Variants in FLOT2 observed in about 807,000 individuals in gnomAD.
The protein encoded by FLOT2 is flotillin 2.
FLOT2 carries 35 observed loss-of-function variants against 54.9 expected under a neutral mutation model. That is an observed-to-expected ratio of 0.64 (90% CI 0.49 to 0.84). The LOEUF (loss-of-function observed/expected upper bound fraction) is 0.84, where lower values mean the gene tolerates loss of function less well. Ranked by LOEUF, FLOT2 falls within the 40% of genes least tolerant of loss-of-function variation. The pLI, the probability that FLOT2 is intolerant of heterozygous loss-of-function variation, is 0.00. For missense variants in FLOT2, 464 were observed against 572.1 expected (o/e 0.81, Z 1.93); for synonymous variants, 207 against 228.9 (o/e 0.90, Z 0.86).
Position 28,883,269 on chromosome 17 carries a change from G to A in FLOT2, c.223-38C>T. 6.2e-7 allele frequency: 1 copy of A among 1,612,772 alleles called. No homozygotes were observed. Among genetic ancestry groups the A allele is most frequent in the Non-Finnish European group, 8.5e-7 (1 of 1,179,572 alleles). On this transcript the variant is annotated intron_variant, in intron 3 of 10. Transcript: ENST00000394908. This position sits in a 1 kb window ranked among gnomAD's most constrained non-coding sequence, Gnocchi z 5.0. Reference sequence around the variant, plus strand: ...ACAAAGGCGCTTCAGCTAGGCTGGAGCGAGGCAGACAAAGGCCCCAGACCC... The same window carrying A: ...ACAAAGGCGCTTCAGCTAGGCTGGAACGAGGCAGACAAAGGCCCCAGACCC...
chr17:28,897,684 C>G lies in FLOT2; in HGVS notation c.-110G>C. 7.0e-6 allele frequency: 7 copies of G among 1,002,872 alleles called. No homozygotes were observed. The South Asian group carries it at 1.6e-4, about 23-fold the overall frequency. The allele number at this position is 1,002,872 out of a possible 1,614,324, so 62.1% of individuals were successfully genotyped here. ...TCCCGCCACCCCCAGCGGCCGGCCG[C>G]CCGCTCGCTCGCCCGCGCCCCTCTG... On this transcript the variant is annotated 5_prime_UTR_variant, in exon 1 of 11. Coordinates refer to ENST00000394908, the MANE Select transcript of FLOT2 (RefSeq NM_004475.3). This position sits in a 1 kb window ranked among gnomAD's most constrained non-coding sequence, Gnocchi z 4.4.
At chr17:28,889,133 C>T (rs149647155) in intron 1 of FLOT2, 107 bp from the exon 2 acceptor site, 39 of 864,762 alleles carry the variant, frequency 4.5e-5, no homozygotes, top group Admixed American at 2.0e-4. Context: ...TACTTGACAA[C>T]GCCTACTGTT....
intron 1 of FLOT2, among the ~76,000 whole-genome samples, chr17:28,896,619 C>T (rs533739210): frequency 5.9e-5 from 9 of 152,310 alleles, no homozygotes; most frequent in African/African-American, 1.9e-4. Flanking sequence ...GCTGTGAGGC[C>T]TGGCTCAGGG....
Position 28,883,883 on chromosome 17 carries a change from C to T in FLOT2, c.222+342G>A, listed in dbSNP as rs1304191772. Among the ~76,000 whole-genome samples, 1 of 148,350 alleles carries T rather than the reference C, an allele frequency of 6.7e-6. No homozygotes were observed. The highest frequency in any genetic ancestry group is 2.5e-5 in the African/African-American group (1 of 40,058). ...TGGGCCCCACCCCTCCCACGCAGTA[C>T]CCAGGGAACAAGGAAGGCCTGGATT... On this transcript the variant is annotated intron_variant, in intron 3 of 10. Transcript: ENST00000394908. The surrounding 1 kb of genome is among the most constrained non-coding windows in gnomAD (Gnocchi z 5.0).
Position 28,879,498 on chromosome 17 carries a change from C to A in FLOT2, c.*1063G>T, listed in dbSNP as rs11547606. 3 of 986,264 alleles carry A rather than the reference C, an allele frequency of 3.0e-6. No homozygotes were observed. Among genetic ancestry groups the A allele is most frequent in the African/African-American group, 3.5e-5 (2 of 57,166 alleles). 61.1% of individuals were successfully genotyped at this position (986,264 alleles called of 1,614,324 possible). ...CTGGGACCACTGGACATTCACAGCA[C>A]CCCTGCCAAGACGCTTGGGTCCTGG... is the stretch of plus-strand genomic sequence containing the variant. On this transcript the variant is annotated 3_prime_UTR_variant, in exon 11 of 11. Transcript: ENST00000394908.
intron 1 of FLOT2, among the ~76,000 whole-genome samples, chr17:28,893,621 T>C (rs955910928): frequency 6.6e-6 from 1 of 152,204 alleles, no homozygotes; most frequent in African/African-American, 2.4e-5. Context: ...CCCTCTCATA[T>C]TGTTTTATAC....
In FLOT2 at chr17:28,881,443, C is replaced by T. The variant is rs985386138; in HGVS notation, c.915-68G>A. 6 of 1,500,406 alleles carry T rather than the reference C, an allele frequency of 4.0e-6. No individual in the cohort carries two copies. The Admixed American group carries it at 5.1e-5, about 13-fold the overall frequency. 92.9% of individuals were successfully genotyped at this position (1,500,406 alleles called of 1,614,324 possible). ...GGTCCTCTCAAGCCTTGCCTGGGGG[C>T]CAGCAAACCTTCAAACCCTCTGCTC... On this transcript the variant is annotated intron_variant, in intron 8 of 10. Coordinates refer to ENST00000394908, the MANE Select transcript of FLOT2 (RefSeq NM_004475.3).
chr17:28,897,377 T>C lies in FLOT2; in HGVS notation c.49+149A>G, dbSNP rs868695517. ...GCAAGGAAAGCGTGAGCACGAGATC[T>C]CTCTTGGAAGGGGCCTCAGGTGCGG... On this transcript the variant is annotated intron_variant, in intron 1 of 10. Transcript: ENST00000394908. The surrounding 1 kb of genome is among the most constrained non-coding windows in gnomAD (Gnocchi z 4.4). 2 of 659,168 alleles carry C rather than the reference T, an allele frequency of 3.0e-6. No individual in the cohort carries two copies. The highest frequency in any genetic ancestry group is 3.9e-5 in the African/African-American group (2 of 51,800). 40.8% of individuals were successfully genotyped at this position (659,168 alleles called of 1,614,324 possible). A position where few individuals can be genotyped will look rare whatever the true frequency, so the allele number is the denominator to read the frequency against.
At chr17:28,891,042 A>G (rs1376344147) in intron 1 of FLOT2, among the ~76,000 whole-genome samples, 1 of 151,704 alleles carries the variant, frequency 6.6e-6, no homozygotes, top group Admixed American at 6.6e-5. Flanking sequence ...CCCCATGCCC[A>G]GCTAATTTTT....
chr17:28,886,193 A>C (rs761054051), intron 2 of FLOT2, among the ~76,000 whole-genome samples: 1 of 152,164 alleles, frequency 6.6e-6, no homozygotes, highest in Non-Finnish European at 1.5e-5. Context: ...TTTAGTGAGG[A>C]CCTGCTAGGC....
At position 28,884,190 on chromosome 17, in the gene FLOT2, C is replaced by CA. The variant is rs1180389001; in HGVS notation, c.222+34dup. ...AACCCGAGTACGGGACCAGGCAGCT[C>CA]AACGGACATGCGCAGGGCTGCTGAG... On this transcript the variant is annotated intron_variant, in intron 3 of 10. Coordinates refer to ENST00000394908, the MANE Select transcript of FLOT2 (RefSeq NM_004475.3). The surrounding 1 kb of genome is among the most constrained non-coding windows in gnomAD (Gnocchi z 5.1). 2 of 1,497,518 alleles carry CA rather than the reference C, an allele frequency of 1.3e-6. No individual in the cohort carries two copies. 92.8% of individuals were successfully genotyped at this position (1,497,518 alleles called of 1,614,324 possible).
intron 2 of FLOT2, among the ~76,000 whole-genome samples, chr17:28,887,304 G>A (rs1452702864): frequency 6.6e-6 from 1 of 152,154 alleles, no homozygotes; most frequent in Non-Finnish European, 1.5e-5. Context: ...AGAGGCTCCT[G>A]CCAGCCTAGG....
intron 2 of FLOT2, chr17:28,885,934 C>A: frequency 6.5e-7 from 1 of 1,549,982 alleles, no homozygotes; most frequent in South Asian, 1.2e-5. Context: ...ATGGTCATAA[C>A]CTCCAGAGAC....
chr17:28,897,408 G>C lies in FLOT2; in HGVS notation c.49+118C>G. Reference sequence around the variant, plus strand: ...GGAAGGGGCCTCAGGTGCGGCCCGGGGGCCAGCGCCCTGCGCCGCGCGGTG... The same window carrying C: ...GGAAGGGGCCTCAGGTGCGGCCCGGCGGCCAGCGCCCTGCGCCGCGCGGTG... On this transcript the variant is annotated intron_variant, in intron 1 of 10. Transcript: ENST00000394908. The surrounding 1 kb of genome is among the most constrained non-coding windows in gnomAD (Gnocchi z 4.4). 1 of 970,738 alleles carries C rather than the reference G, an allele frequency of 1.0e-6. No homozygotes were observed. The highest frequency in any genetic ancestry group is 1.7e-5 in the South Asian group (1 of 60,598). The allele number at this position is 970,738 out of a possible 1,614,324, so 60.1% of individuals were successfully genotyped here. A position where few individuals can be genotyped will look rare whatever the true frequency, so the allele number is the denominator to read the frequency against.
chr17:28,882,770 AG>A lies in FLOT2; in HGVS notation c.347-80del. 1.1e-6 allele frequency: 1 copy of A among 945,136 alleles called. No individual in the cohort carries two copies. The highest frequency in any genetic ancestry group is 1.6e-5 in the African/African-American group (1 of 61,672). The allele number at this position is 945,136 out of a possible 1,614,324, so 58.5% of individuals were successfully genotyped here. A position where few individuals can be genotyped will look rare whatever the true frequency, so the allele number is the denominator to read the frequency against. ...AGGGAGGAGGCATGCATGTAGAGGTAGGGGTGCATGCGGGGTGCTGCACTCT... is the reference window on the plus strand; with the variant it reads ...AGGGAGGAGGCATGCATGTAGAGGTAGGGTGCATGCGGGGTGCTGCACTCT... On this transcript the variant is annotated intron_variant, in intron 4 of 10. Transcript: ENST00000394908. The surrounding 1 kb of genome is among the most constrained non-coding windows in gnomAD (Gnocchi z 5.6).
intron 1 of FLOT2, among the ~76,000 whole-genome samples, chr17:28,891,671 T>C (rs1447572046): frequency 6.6e-6 from 1 of 152,260 alleles, no homozygotes; most frequent in Admixed American, 6.5e-5. Flanking sequence ...ACTGGGGAAC[T>C]GAATTTTTTA....
intron 2 of FLOT2, among the ~76,000 whole-genome samples, chr17:28,886,599 GAGA>G (rs2039551011): frequency 3.3e-5 from 5 of 152,222 alleles, no homozygotes; most frequent in Admixed American, 3.3e-4. Context: ...CAGGGGCAGA[GAGA>G]AGATTATTGG....
chr17:28,882,580 G>A lies in FLOT2; in HGVS notation c.458C>T (p.Thr153Ile). Residue 153 changes from threonine (T) to isoleucine (I), a missense_variant, in exon 5 of 11, where the codon ACC becomes ATC. By Grantham distance (89) the Thr-to-Ile change is moderately conservative. Coordinates refer to ENST00000394908, the MANE Select transcript of FLOT2 (RefSeq NM_004475.3). The surrounding 1 kb of genome is among the most constrained non-coding windows in gnomAD (Gnocchi z 5.6). ...CTTCCCATCACGTCGTACCTTGATGGTGAAGCTGAGGATCTCAATGCCCAT... is the reference window on the plus strand; with the variant it reads ...CTTCCCATCACGTCGTACCTTGATGATGAAGCTGAGGATCTCAATGCCCAT... ...GRMGIEILSF[T>I]IKDVYDKVDY... 1 of 1,610,280 alleles carries A rather than the reference G, an allele frequency of 6.2e-7. No individual in the cohort carries two copies. Among genetic ancestry groups the A allele is most frequent in the African/African-American group, 1.3e-5 (1 of 74,968 alleles).
At position 28,897,425 on chromosome 17, in the gene FLOT2, C is replaced by T. The variant is rs1034676170; in HGVS notation, c.49+101G>A. 8.4e-7 allele frequency: 1 copy of T among 1,189,048 alleles called. No individual in the cohort carries two copies. The highest frequency in any genetic ancestry group is 1.2e-6 in the Non-Finnish European group (1 of 851,648). 73.7% of individuals were successfully genotyped at this position (1,189,048 alleles called of 1,614,324 possible). A position where few individuals can be genotyped will look rare whatever the true frequency, so the allele number is the denominator to read the frequency against. On this transcript the variant is annotated intron_variant, in intron 1 of 10. Transcript: ENST00000394908. This position sits in a 1 kb window ranked among gnomAD's most constrained non-coding sequence, Gnocchi z 4.4. ...CGGCCCGGGGGCCAGCGCCCTGCGCCGCGCGGTGGACTCAGGCCCAGCTCT... is the reference window on the plus strand; with the variant it reads ...CGGCCCGGGGGCCAGCGCCCTGCGCTGCGCGGTGGACTCAGGCCCAGCTCT...
Sources: allele counts gnomAD v4.1 joint callset (sites outside exome capture counted in the v4.1 genomes callset), GRCh38; gene constraint gnomAD v4.1.1; non-coding constraint Gnocchi (gnomAD v3.1); transcripts MANE v1.5; gene names NCBI Gene and HGNC (gene_info 2026-07-23, HGNC 2026-07-21).